PBRM1: variants seen among roughly 807,000 people sequenced by gnomAD.
The protein encoded by PBRM1 is protein polybromo-1.
Under a neutral mutation model 194.5 loss-of-function variants are expected in PBRM1, and 27 were observed. The observed-to-expected ratio is 0.14, with a 90% CI of 0.10 to 0.19. PBRM1 has a LOEUF of 0.19. PBRM1 is among the 10% of genes least tolerant of loss of function. PBRM1 has a pLI of 1.00. For synonymous variants in PBRM1, 655 were observed against 693.2 expected (o/e 0.94, Z 0.87); for missense variants, 1,466 against 2,077.2 (o/e 0.71, Z 5.72).
intron 26 of PBRM1, among the ~76,000 whole-genome samples, chr3:52,555,908 G>A (rs567718527): frequency 6.6e-6 from 1 of 152,178 alleles, no homozygotes; most frequent in Admixed American, 6.5e-5. Flanking sequence ...AAACCACATG[G>A]CATTTTTTTA....
At chr3:52,652,918 A>G (rs748567383) in intron 5 of PBRM1, among the ~76,000 whole-genome samples, 4 of 152,024 alleles carry the variant, frequency 2.6e-5, no homozygotes, top group Non-Finnish European at 5.9e-5. Context: ...CAATCACTTG[A>G]GCGCAGGAGA....
At position 52,609,034 on chromosome 3, in the gene PBRM1, C is replaced by G. The variant is rs754290459; in HGVS notation, c.2567+279G>C. The G allele has an allele frequency of 3.1e-5, 10 of 319,028 alleles. No homozygotes were observed. The highest frequency in any genetic ancestry group is 5.8e-5 in the Non-Finnish European group (10 of 172,966). 19.8% of individuals were successfully genotyped at this position (319,028 alleles called of 1,614,324 possible). A position where few individuals can be genotyped will look rare whatever the true frequency, so the allele number is the denominator to read the frequency against. On this transcript the variant is annotated intron_variant, in intron 16 of 29. Transcript: ENST00000296302. The surrounding 1 kb of genome is among the most constrained non-coding windows in gnomAD (Gnocchi z 4.1). ...CATTTATCTTTTTAAAAAACACATT[C>G]TATGAAAGGCTGTATTTTAAGTTTA... is the stretch of plus-strand genomic sequence containing the variant.
chr3:52,634,920 A>C, intron 10 of PBRM1, 105 bp from the exon 12 acceptor site: 1 of 793,718 alleles, frequency 1.3e-6, no homozygotes, highest in Non-Finnish European at 2.0e-6. Context: ...AATATATTTG[A>C]AAACTATTAT....
At chr3:52,643,036 T>C (rs547419364) in intron 9 of PBRM1, among the ~76,000 whole-genome samples, 1 of 152,216 alleles carries the variant, frequency 6.6e-6, no homozygotes, top group East Asian at 1.9e-4. Flanking sequence ...GATTCACCCG[T>C]ATCAGCCTCC....
At chr3:52,621,832 G>T (rs2095287730) in intron 13 of PBRM1, among the ~76,000 whole-genome samples, 1 of 152,180 alleles carries the variant, frequency 6.6e-6, no homozygotes, top group Non-Finnish European at 1.5e-5. Context: ...TGGGAGGACT[G>T]CTTGAGCCCA....
intron 17 of PBRM1, among the ~76,000 whole-genome samples, chr3:52,601,491 G>A (rs948923841): frequency 5.3e-5 from 8 of 152,058 alleles, no homozygotes; most frequent in Admixed American, 2.0e-4. Flanking sequence ...AGAATCTAAT[G>A]CCACCACTGA....
chr3:52,570,335 A>G (rs371852737), intron 22 of PBRM1, among the ~76,000 whole-genome samples: 19 of 152,316 alleles, frequency 1.2e-4, no homozygotes, highest in African/African-American at 4.6e-4. Flanking sequence ...ACAACTTACT[A>G]AACATGTATA....
intron 27 of PBRM1, among the ~76,000 whole-genome samples, chr3:52,553,567 C>T (rs991488237): frequency 6.7e-6 from 1 of 150,358 alleles, no homozygotes; most frequent in African/African-American, 2.5e-5. Context: ...CCACTCACTG[C>T]AGCCTCAGTC....
chr3:52,596,842 T>TC (rs2153225575), intron 17 of PBRM1, among the ~76,000 whole-genome samples: 1 of 152,298 alleles, frequency 6.6e-6, no homozygotes, highest in South Asian at 2.1e-4. Context: ...TGCTGGTGTC[T>TC]CACATGTCAT....
At chr3:52,649,615 A>G (rs1328013934) in intron 6 of PBRM1, among the ~76,000 whole-genome samples, 1 of 152,212 alleles carries the variant, frequency 6.6e-6, no homozygotes, top group Non-Finnish European at 1.5e-5. Context: ...CTTTTCAAAA[A>G]TTCCTTTTCC....
intron 17 of PBRM1, among the ~76,000 whole-genome samples, chr3:52,602,414 C>A (rs1443953386): frequency 6.6e-6 from 1 of 152,160 alleles, no homozygotes; most frequent in African/African-American, 2.4e-5. Flanking sequence ...GGGATGCACT[C>A]AAAGTTGCAG....
chr3:52,610,662 G>A (rs1341708945), intron 15 of PBRM1, among the ~76,000 whole-genome samples: 2 of 152,222 alleles, frequency 1.3e-5, no homozygotes, highest in Non-Finnish European at 2.9e-5. Context: ...GAACCGGCTG[G>A]GCGTGGTGGC....
rs371724721 is a variant in PBRM1, at chr3:52,643,250, G to A, written c.993C>T (p.Tyr331=). Reference sequence around the variant, plus strand: ...AGACTAAACACTCTTTTTCTCACCGGTAATACTTGCTAGTGGGATTTCTCT... The same window carrying A: ...AGACTAAACACTCTTTTTCTCACCGATAATACTTGCTAGTGGGATTTCTCT... Residue 331 remains tyrosine, a splice_region_variant and synonymous_variant, in exon 9 of 30, where the codon TAC becomes TAT. Transcript: ENST00000296302. The A allele has an allele frequency of 7.5e-6, 12 of 1,604,746 alleles. No homozygotes were observed. In the African/African-American group the frequency reaches 1.6e-4, roughly 21 times the overall value.
chr3:52,558,347 GCA>G lies in PBRM1; in HGVS notation c.4353_4354del (p.Ala1452PhefsTer50). 1 of 1,550,238 alleles carries G rather than the reference GCA, an allele frequency of 6.5e-7. No homozygotes were observed. The highest frequency in any genetic ancestry group is 8.7e-7 in the Non-Finnish European group (1 of 1,146,714). On this transcript the variant is annotated frameshift_variant, in exon 26 of 30. Coordinates refer to ENST00000296302, the Ensembl canonical transcript of PBRM1. LOFTEE classifies it high-confidence loss of function. ...CACAGGGGTGCCTGCTCGGGGAGAA[GCA>G]CTCGGCTGCTGTTGCTGTGCTGCTC...
At chr3:52,592,413 T>G (rs1455883174) in intron 17 of PBRM1, among the ~76,000 whole-genome samples, 12 of 152,244 alleles carry the variant, frequency 7.9e-5, no homozygotes, top group Non-Finnish European at 1.2e-4. Context: ...ATTACAGGCA[T>G]GAGCCACCAC....
intron 10 of PBRM1, among the ~76,000 whole-genome samples, chr3:52,638,986 T>TTG (rs1491536013): frequency 5.2e-5 from 3 of 57,886 alleles, no homozygotes; most frequent in Non-Finnish European, 9.5e-5. Context: ...CATTTTTTTT[T>TTG]GGGGGGGGGG....
At chr3:52,638,997 G>GGC (rs1231525757) in intron 10 of PBRM1, among the ~76,000 whole-genome samples, 1 of 112,392 alleles carries the variant, frequency 8.9e-6, no homozygotes, top group Non-Finnish European at 1.8e-5. Flanking sequence ...GGGGGGGGGG[G>GGC]GCGGGGGACA....
intron 17 of PBRM1, among the ~76,000 whole-genome samples, chr3:52,599,655 CAAAAAAAAAA>C (rs71615864): frequency 1.6e-5 from 2 of 123,000 alleles, no homozygotes; most frequent in Non-Finnish European, 3.6e-5. Context: ...ACTAAAAATA[CAAAAAAAAAA>C]AAAAAGAAAA....
chr3:52,576,556 T>C, exon 22 of PBRM1: 3 of 1,600,594 alleles, frequency 1.9e-6, no homozygotes, highest in Admixed American at 1.8e-5. Flanking sequence ...ATACATGTCA[T>C]GGGGCAGGTT....
Sources: allele counts gnomAD v4.1 joint callset (sites outside exome capture counted in the v4.1 genomes callset), GRCh38; gene constraint gnomAD v4.1.1; non-coding constraint Gnocchi (gnomAD v3.1); transcripts MANE v1.5; gene names NCBI Gene and HGNC (gene_info 2026-07-23, HGNC 2026-07-21).